The following ERLEC1 variants were observed in gnomAD, a reference collection of about 807,000 sequenced individuals.
ERLEC1 encodes endoplasmic reticulum lectin 1, also known as ER lectin.
In ERLEC1, 47 loss-of-function variants were observed where a neutral mutation model predicts 68.0. The ratio of observed to expected loss-of-function variants is 0.69; its 90% confidence interval spans 0.55 to 0.88. The LOEUF (loss-of-function observed/expected upper bound fraction) is 0.88. ERLEC1 is among the 40% of genes least tolerant of loss of function. ERLEC1 has a pLI of 0.00. For synonymous variants in ERLEC1, 225 were observed against 203.2 expected (o/e 1.11, Z -0.91); for missense variants, 567 against 583.8 (o/e 0.97, Z 0.30).
chr2:53,804,003 C>T (rs1676144000), intron 8 of ERLEC1, among the ~76,000 whole-genome samples: 1 of 152,110 alleles, frequency 6.6e-6, no homozygotes, highest in African/African-American at 2.4e-5. Flanking sequence ...CGGTGATACA[C>T]ACCTGCAGTC....
chr2:53,794,353 T>C lies in ERLEC1; in HGVS notation c.171T>C (p.Thr57=). Residue 57 remains threonine, a synonymous_variant, in exon 2 of 14, where the codon ACT becomes ACC. Transcript: ENST00000185150. The part of the protein sequence containing the change: ...WPGTEFSLPT[T]GVLYKEDNYV... ...TTTTCTTCTATTTGCAGCCCACAACTGGAGTTTTATATAAAGAAGATAATT... is the reference window on the plus strand; with the variant it reads ...TTTTCTTCTATTTGCAGCCCACAACCGGAGTTTTATATAAAGAAGATAATT... The C allele has an allele frequency of 6.6e-7, 1 of 1,503,988 alleles. No homozygotes were observed. The highest frequency in any genetic ancestry group is 1.2e-5 in the South Asian group (1 of 80,446). The allele number at this position is 1,503,988 out of a possible 1,614,324, so 93.2% of individuals were successfully genotyped here.
At chr2:53,809,157 C>T (rs942546635) in intron 9 of ERLEC1, 57 bp from the exon 10 acceptor site, 9 of 1,180,886 alleles carry the variant, frequency 7.6e-6, no homozygotes, top group Non-Finnish European at 8.6e-6. Flanking sequence ...TGTCATGTGG[C>T]ATTATTGAGA....
chr2:53,799,044 C>T lies in ERLEC1; in HGVS notation c.491-3C>T, dbSNP rs542676255. ...TCTTTACACTTACCTTATTATTCCA[C>T]AGAACGAGAAGCAGAAGAAAAGGAA... On this transcript the variant is annotated splice_region_variant and splice_polypyrimidine_tract_variant and intron_variant, in intron 5 of 13. Coordinates refer to ENST00000185150, the MANE Select transcript of ERLEC1 (RefSeq NM_015701.5). The T allele has an allele frequency of 8.1e-6, 13 of 1,612,146 alleles. No individual in the cohort carries two copies. Among genetic ancestry groups the T allele is most frequent in the Admixed American group, 1.7e-5 (1 of 59,904 alleles).
chr2:53,803,099 C>T (rs1676088323), intron 8 of ERLEC1, among the ~76,000 whole-genome samples: 1 of 152,194 alleles, frequency 6.6e-6, no homozygotes, highest in Non-Finnish European at 1.5e-5. Context: ...AGACCTCCAT[C>T]ATAGCACTTA....
At position 53,800,777 on chromosome 2, in the gene ERLEC1, A is replaced by AT. The variant is rs1210958362; in HGVS notation, c.526-615dup. 7.2e-5 allele frequency among the ~76,000 whole-genome samples: 11 copies of AT among 152,136 alleles called. 1 individual carries two copies. The highest frequency in any genetic ancestry group is 2.4e-4 in the African/African-American group (10 of 41,528). On this transcript the variant is annotated intron_variant, in intron 6 of 13. Transcript: ENST00000185150. Reference sequence around the variant, plus strand: ...CCTTTATTCCTTCATTCCATGAAAAATTTTTAATTTGTCTTTTGCTGGCCT... The same window carrying AT: ...CCTTTATTCCTTCATTCCATGAAAAATTTTTTAATTTGTCTTTTGCTGGCCT...
intron 8 of ERLEC1, among the ~76,000 whole-genome samples, chr2:53,802,599 T>G (rs1676063646): frequency 6.6e-6 from 1 of 152,230 alleles, no homozygotes; most frequent in African/African-American, 2.4e-5. Context: ...GATTATGTGT[T>G]TAATCTCTTG....
Position 53,807,666 on chromosome 2 carries a change from A to C in ERLEC1, c.880-633A>C, listed in dbSNP as rs114332379. Among the ~76,000 whole-genome samples the C allele has an allele frequency of 9.4e-3, 1,426 of 152,316 alleles. 16 individuals are homozygous for C. The highest frequency in any genetic ancestry group is 0.033 in the African/African-American group (1,356 of 41,570). ...CTTAGTGACCACATTTTCCAAAACC[A>C]AATGTAGGGACACAGAGCTTAGCAA... On this transcript the variant is annotated intron_variant, in intron 8 of 13. Coordinates refer to ENST00000185150, the MANE Select transcript of ERLEC1 (RefSeq NM_015701.5).
Position 53,787,104 on chromosome 2 carries a change from C to G in ERLEC1, c.-107C>G. The G allele has an allele frequency of 7.3e-7, 1 of 1,369,950 alleles. No homozygotes were observed. Among genetic ancestry groups the G allele is most frequent in the African/African-American group, 1.5e-5 (1 of 68,084 alleles). 84.9% of individuals were successfully genotyped at this position (1,369,950 alleles called of 1,614,324 possible). ...TGGCGGCGGTTGGGCCGGTGATACC[C>G]GGGCGCTTTATAGTCCCGCCGCCTC... On this transcript the variant is annotated 5_prime_UTR_variant, in exon 1 of 14. Coordinates refer to ENST00000185150, the MANE Select transcript of ERLEC1 (RefSeq NM_015701.5).
Position 53,787,169 on chromosome 2 carries a change from A to G in ERLEC1, c.-42A>G. 7.4e-7 allele frequency: 1 copy of G among 1,352,016 alleles called. No individual in the cohort carries two copies. Among genetic ancestry groups the G allele is most frequent in the Non-Finnish European group, 9.8e-7 (1 of 1,022,592 alleles). 83.8% of individuals were successfully genotyped at this position (1,352,016 alleles called of 1,614,324 possible). A position where few individuals can be genotyped will look rare whatever the true frequency, so the allele number is the denominator to read the frequency against. On this transcript the variant is annotated 5_prime_UTR_variant, in exon 1 of 14. Transcript: ENST00000185150. ...CCTCCTCCTCCTCTCCTCCTGGAGC[A>G]GAGGAGGTTGTGGCGGTGGCTGGAG...
intron 13 of ERLEC1, 63 bp downstream of exon 13, chr2:53,814,998 T>TTC (rs1676796084): frequency 3.5e-6 from 2 of 571,702 alleles, no homozygotes; most frequent in African/African-American, 2.3e-5. Context: ...TTTTTTTCTT[T>TTC]TTTTTTTTTT....
Position 53,814,842 on chromosome 2 carries a change from A to C in ERLEC1, c.1305-18A>C. ...TTTAAATGATTTGGACAGTACCTTA[A>C]AGTGCTCTCTGTTTTAGGTGCAAAG... On this transcript the variant is annotated intron_variant, in intron 12 of 13. Transcript: ENST00000185150. The C allele has an allele frequency of 6.3e-7, 1 of 1,584,684 alleles. No homozygotes were observed. The highest frequency in any genetic ancestry group is 8.6e-7 in the Non-Finnish European group (1 of 1,156,354).
Position 53,818,612 on chromosome 2 carries a change from A to G in ERLEC1, c.*643A>G, listed in dbSNP as rs926829992. ...CTATTACTTTTTTCTTCTTATGAGT[A>G]TGTTTACTCTCAGAGTATCTATCTG... On this transcript the variant is annotated 3_prime_UTR_variant, in exon 14 of 14. Coordinates refer to ENST00000185150, the MANE Select transcript of ERLEC1 (RefSeq NM_015701.5). 9 of 152,196 alleles carry G rather than the reference A, an allele frequency of 5.9e-5. No homozygotes were observed. The highest frequency in any genetic ancestry group is 1.9e-4 in the African/African-American group (8 of 41,452). The allele number at this position is 152,196 out of a possible 1,614,324, so 9.4% of individuals were successfully genotyped here.
At chr2:53,787,434 C>A in intron 1 of ERLEC1, 62 bp downstream of exon 1, 1 of 1,522,540 alleles carries the variant, frequency 6.6e-7, no homozygotes. Context: ...TCGGCCTCTT[C>A]CCTCGGTTTT....
Position 53,818,097 on chromosome 2 carries a change from C to T in ERLEC1, c.*128C>T. The T allele has an allele frequency of 1.6e-6, 1 of 633,004 alleles. No individual in the cohort carries two copies. The highest frequency in any genetic ancestry group is 2.8e-6 in the Non-Finnish European group (1 of 353,808). The allele number at this position is 633,004 out of a possible 1,614,324, so 39.2% of individuals were successfully genotyped here. ...AGGATGGTATAAAATGACTCTCAAC[C>T]ACTTTGTGAATACATATGTGTATAT... On this transcript the variant is annotated 3_prime_UTR_variant, in exon 14 of 14. Coordinates refer to ENST00000185150, the MANE Select transcript of ERLEC1 (RefSeq NM_015701.5).
Position 53,814,953 on chromosome 2 carries a change from T to G in ERLEC1, c.1380+18T>G. On this transcript the variant is annotated intron_variant, in intron 13 of 13. Transcript: ENST00000185150. ...TTCTTGGGGTAAGTTAAAAAGAAAA[T>G]AATCAAAAATTCCATTTTGAGCCAT... 2 of 1,321,400 alleles carry G rather than the reference T, an allele frequency of 1.5e-6. No individual in the cohort carries two copies. Among genetic ancestry groups the G allele is most frequent in the Non-Finnish European group, 2.1e-6 (2 of 947,404 alleles). The allele number at this position is 1,321,400 out of a possible 1,614,324, so 81.9% of individuals were successfully genotyped here.
rs376974740 is a variant in ERLEC1, at chr2:53,818,013, G to A, written c.*44G>A. 1.7e-6 allele frequency: 2 copies of A among 1,200,650 alleles called. No individual in the cohort carries two copies. The highest frequency in any genetic ancestry group is 2.5e-6 in the Non-Finnish European group (2 of 804,902). The allele number at this position is 1,200,650 out of a possible 1,614,324, so 74.4% of individuals were successfully genotyped here. A position where few individuals can be genotyped will look rare whatever the true frequency, so the allele number is the denominator to read the frequency against. ...GAAAGAAAAGATCATTGAAAGTCAT[G>A]ATAATTTCTGTCCCACTGTGTCTCA... On this transcript the variant is annotated 3_prime_UTR_variant, in exon 14 of 14. Coordinates refer to ENST00000185150, the MANE Select transcript of ERLEC1 (RefSeq NM_015701.5).
At chr2:53,804,948 G>C (rs898721819) in intron 8 of ERLEC1, among the ~76,000 whole-genome samples, 2 of 148,094 alleles carry the variant, frequency 1.4e-5, no homozygotes, top group African/African-American at 5.0e-5. Flanking sequence ...TTAACATAAT[G>C]ATCTCCAATT....
intron 1 of ERLEC1, 168 bp downstream of exon 1, chr2:53,787,540 C>T: frequency 1.4e-6 from 1 of 722,904 alleles, no homozygotes; most frequent in Non-Finnish European, 2.1e-6. Context: ...TTCGTTCTCA[C>T]GTTATGTGGA....
At chr2:53,814,835 T>TC (rs745331145) in intron 12 of ERLEC1, 25 bp from the exon 13 acceptor site, 1 of 1,544,046 alleles carries the variant, frequency 6.5e-7, no homozygotes, top group South Asian at 1.1e-5. Context: ...ATTTGGACAG[T>TC]ACCTTAAAGT....
Sources: gnomAD v4.1 joint callset for allele counts (sites outside exome capture counted in the v4.1 genomes callset) on GRCh38, gnomAD v4.1.1 for gene constraint, MANE v1.5 for transcripts, NCBI Gene and HGNC (gene_info 2026-07-23, HGNC 2026-07-21) for gene names.